The following KIF22 variants were observed in gnomAD, a reference collection of about 807,000 sequenced individuals.
KIF22 encodes kinesin-like protein KIF22.
In KIF22, 62 loss-of-function variants were observed where a neutral mutation model predicts 73.0. That is an observed-to-expected ratio of 0.85 (90% CI 0.69 to 1.05). The LOEUF is 1.05. Ranked by LOEUF, KIF22 falls within the 50% of genes least tolerant of loss-of-function variation. KIF22 has a pLI of 0.00. For missense variants in KIF22, 854 were observed against 870.1 expected, an observed-to-expected ratio of 0.98 and a Z score of 0.23; for synonymous variants, 411 against 340.1, an observed-to-expected ratio of 1.21 and a Z score of -2.29.
In KIF22 at chr16:29,798,625, C is replaced by T; in HGVS notation, c.427C>T (p.Gln143Ter). The T allele has an allele frequency of 6.2e-7, 1 of 1,614,136 alleles. No homozygotes were observed. Among genetic ancestry groups the T allele is most frequent in the Non-Finnish European group, 8.5e-7 (1 of 1,180,010 alleles). ...KTHTMLGSPE[Q>*]PGVIPRALMD... ...GCACACAATGCTGGGCAGCCCAGAG[C>T]AACCTGGGGTGATCCCGCGGGCTCT... The change falls in exon 4 of 14, where the codon CAA (glutamine) becomes TAA (stop). Residue 143 changes from glutamine (Q) to a stop codon, truncating the protein, a stop_gained. Transcript: ENST00000160827. LOFTEE classifies it high-confidence loss of function. The surrounding 1 kb of genome is among the most constrained non-coding windows in gnomAD (Gnocchi z 4.1).
rs780641872 is a variant in KIF22 at position 29,798,722 on chromosome 16, C to G, written c.524C>G (p.Ser175Cys). The G allele has an allele frequency of 2.5e-6, 4 of 1,614,082 alleles. No individual in the cohort carries two copies. The Admixed American group carries it at 5.0e-5, about 20-fold the overall frequency. Residue 175 changes from serine to cysteine, a missense_variant, in exon 4 of 14, where the codon TCT becomes TGT. By Grantham distance (112) the Ser-to-Cys change is moderately radical. Transcript: ENST00000160827. This position sits in a 1 kb window ranked among gnomAD's most constrained non-coding sequence, Gnocchi z 4.1. ...CCATGGGCCCTTTCTGTCACCATGT[C>G]TTACCTAGAGATCTACCAGGAGAAG... is the stretch of plus-strand genomic sequence containing the variant. ...GRPWALSVTM[S>C]YLEIYQEKVL...
intron 1 of KIF22, chr16:29,791,046 G>A (rs1296138025): frequency 4.2e-6 from 6 of 1,415,914 alleles, no homozygotes; most frequent in Admixed American, 6.1e-5. Flanking sequence ...TGGGTCAGTA[G>A]ACTCGGGTCT....
In KIF22 at chr16:29,799,338, A is replaced by G; in HGVS notation, c.834A>G (p.Ser278=). The change falls in exon 6 of 14, where the codon TCA becomes TCG. Residue 278 remains serine, a synonymous_variant. Coordinates refer to ENST00000160827, the MANE Select transcript of KIF22 (RefSeq NM_007317.3). ...TCTACCTGATTGACTTGGCTGGGTC[A>G]GAGGACAACCGGCGCACAGGCAACA... ...GKLYLIDLAG[S]EDNRRTGNKG... is the part of the protein sequence containing the mutation. The G allele has an allele frequency of 6.2e-7, 1 of 1,614,252 alleles. No homozygotes were observed. The highest frequency in any genetic ancestry group is 1.1e-5 in the South Asian group (1 of 91,088).
At chr16:29,802,400 A>C (rs1216815321) in intron 8 of KIF22, among the ~76,000 whole-genome samples, 2 of 152,044 alleles carry the variant, frequency 1.3e-5, no homozygotes, top group East Asian at 3.8e-4. Flanking sequence ...GTGGATTTCA[A>C]AGCCCTGCTA....
chr16:29,802,267 C>CAAA (rs71389599), intron 8 of KIF22, among the ~76,000 whole-genome samples: 70 of 33,686 alleles, frequency 2.1e-3, no homozygotes, highest in Non-Finnish European at 2.5e-3. Flanking sequence ...GACCCTGTCT[C>CAAA]AAAAAAAAAA....
intron 1 of KIF22, chr16:29,791,200 G>A (rs1386948259): frequency 1.8e-6 from 2 of 1,107,194 alleles, no homozygotes; most frequent in East Asian, 6.0e-5. Flanking sequence ...TAGCCACGAG[G>A]ACGAGAAGAA....
chr16:29,805,324 A>C lies in KIF22; in HGVS notation c.*14A>C. 6.2e-7 allele frequency: 1 copy of C among 1,610,968 alleles called. No individual in the cohort carries two copies. The highest frequency in any genetic ancestry group is 8.5e-7 in the Non-Finnish European group (1 of 1,179,574). On this transcript the variant is annotated 3_prime_UTR_variant, in exon 14 of 14. Coordinates refer to ENST00000160827, the MANE Select transcript of KIF22 (RefSeq NM_007317.3). ...GGCGCCTCCTGACCGTCGTCTCCTC[A>C]CTCCGCCTTTTCAAATTTTTGTATA...
chr16:29,803,374 C>T (rs1899210817), intron 9 of KIF22, 75 bp from the exon 10 acceptor site: 4 of 1,569,912 alleles, frequency 2.5e-6, no homozygotes, highest in East Asian at 2.2e-5. Flanking sequence ...CTTGCATACT[C>T]ACCCTGGTAA....
intron 11 of KIF22, 22 bp from the exon 12 acceptor site, chr16:29,804,792 C>T (rs1357169748): frequency 1.9e-6 from 3 of 1,576,138 alleles, no homozygotes; most frequent in East Asian, 4.6e-5. Context: ...CTGCGTGTCA[C>T]TCATCTCCCT....
chr16:29,802,330 C>A (rs1352036148), intron 8 of KIF22, among the ~76,000 whole-genome samples: 1 of 149,018 alleles, frequency 6.7e-6, no homozygotes, highest in Non-Finnish European at 1.5e-5. Flanking sequence ...TCAGTCAGGA[C>A]TGCTTGAACA....
Position 29,799,388 on chromosome 16 carries a change from G to A in KIF22, c.884G>A (p.Gly295Glu). 1 of 1,614,228 alleles carries A rather than the reference G, an allele frequency of 6.2e-7. No homozygotes were observed. Among genetic ancestry groups the A allele is most frequent in the Non-Finnish European group, 8.5e-7 (1 of 1,180,048 alleles). The change falls in exon 6 of 14, where the codon GGA (glycine) becomes GAA (glutamate). Residue 295 changes from glycine to glutamate, a missense_variant. By Grantham distance (98) the Gly-to-Glu change is moderately conservative. Coordinates refer to ENST00000160827, the MANE Select transcript of KIF22 (RefSeq NM_007317.3). ...AAGGGCCTTCGGCTAAAAGAGAGTG[G>A]AGCCATCAACACCTCCCTGTTTGTC... ...GNKGLRLKES[G>E]AINTSLFVLG...
At position 29,805,261 on chromosome 16, in the gene KIF22, A is replaced by T; in HGVS notation, c.1951-2A>T. On this transcript the variant is annotated splice_acceptor_variant, in intron 13 of 13. Coordinates refer to ENST00000160827, the MANE Select transcript of KIF22 (RefSeq NM_007317.3). LOFTEE classifies it high-confidence loss of function. ...GCTGTCTCCCTCCCTCCTGTGTTGC[A>T]GGCAAACATCCTGGGTCTCGCCGCC... 6.2e-7 allele frequency: 1 copy of T among 1,614,048 alleles called. No individual in the cohort carries two copies. Among genetic ancestry groups the T allele is most frequent in the Non-Finnish European group, 8.5e-7 (1 of 1,179,998 alleles).
chr16:29,804,915 G>A lies in KIF22; in HGVS notation c.1779G>A (p.Leu593=). ...TGGCTCATGGGCGCCAAAAAATACT[G>A]GATCTGCTGAACGAAGGCTCAGCCC... is the stretch of plus-strand genomic sequence containing the variant. The part of the protein sequence containing the change: ...ELLAHGRQKI[L]DLLNEGSARD... Residue 593 remains leucine, a synonymous_variant, in exon 12 of 14, where the codon CTG becomes CTA. Transcript: ENST00000160827. 1 of 1,613,894 alleles carries A rather than the reference G, an allele frequency of 6.2e-7. No homozygotes were observed. The highest frequency in any genetic ancestry group is 1.7e-5 in the Admixed American group (1 of 60,018).
chr16:29,790,846 T>A lies in KIF22; in HGVS notation c.70+17T>A. ...CGATCTCAGGTACTTGAGCCCGGCC[T>A]GGGCAAGGCGGGTACCGACGTCTGG... On this transcript the variant is annotated intron_variant, in intron 1 of 13. Coordinates refer to ENST00000160827, the MANE Select transcript of KIF22 (RefSeq NM_007317.3). 1 of 1,594,572 alleles carries A rather than the reference T, an allele frequency of 6.3e-7. No homozygotes were observed. The highest frequency in any genetic ancestry group is 8.5e-7 in the Non-Finnish European group (1 of 1,170,512).
In KIF22 at chr16:29,804,781, C is replaced by T. The variant is rs1416259941; in HGVS notation, c.1678-33C>T. The stretch of plus-strand genomic sequence containing the variant: ...AGAGGAGCCCAAAGCACTTGGCTGC[C>T]CTGCGTGTCACTCATCTCCCTTTGC... On this transcript the variant is annotated intron_variant, in intron 11 of 13. Coordinates refer to ENST00000160827, the MANE Select transcript of KIF22 (RefSeq NM_007317.3). The T allele has an allele frequency of 3.2e-6, 5 of 1,545,180 alleles. No homozygotes were observed. The African/African-American group carries it at 5.5e-5, about 17-fold the overall frequency.
At chr16:29,803,679 G>C in intron 10 of KIF22, 71 bp downstream of exon 10, 2 of 1,261,632 alleles carry the variant, frequency 1.6e-6, no homozygotes, top group Non-Finnish European at 2.2e-6. Context: ...GTTAGGAGCA[G>C]CTGTCTCCAT....
At chr16:29,801,979 G>A (rs960080210) in intron 8 of KIF22, among the ~76,000 whole-genome samples, 8 of 152,034 alleles carry the variant, frequency 5.3e-5, no homozygotes, top group East Asian at 1.9e-4. Flanking sequence ...AATGTTAGAC[G>A]TTGCTGACTG....
Position 29,804,965 on chromosome 16 carries a change from T to C in KIF22, c.1829T>C (p.Ile610Thr), listed in dbSNP as rs1000117193. ...SARDLRSLQR[I>T]GPKKAQLIVG... ...CGAGATCTCCGCAGTCTTCAGCGCA[T>C]TGGCCCGAAGAAGGCCCAGCTAATC... Residue 610 changes from isoleucine to threonine, a missense_variant, in exon 12 of 14, where the codon ATT (isoleucine) becomes ACT (threonine). Physicochemically the swap from Ile to Thr is moderately conservative, Grantham distance 89. Coordinates refer to ENST00000160827, the MANE Select transcript of KIF22 (RefSeq NM_007317.3). 2 of 1,612,324 alleles carry C rather than the reference T, an allele frequency of 1.2e-6. No individual in the cohort carries two copies. The highest frequency in any genetic ancestry group is 2.7e-5 in the African/African-American group (2 of 74,854).
intron 6 of KIF22, 25 bp downstream of exon 6, chr16:29,799,519 G>A (rs371057919): frequency 1.2e-6 from 2 of 1,613,328 alleles, no homozygotes; most frequent in African/African-American, 2.7e-5. Flanking sequence ...TCTCAGGGAA[G>A]AAGGGGCTGC....
Sources: gnomAD v4.1 joint callset for allele counts (sites outside exome capture counted in the v4.1 genomes callset) on GRCh38, gnomAD v4.1.1 for gene constraint, Gnocchi (gnomAD v3.1) non-coding constraint, MANE v1.5 for transcripts, NCBI Gene and HGNC (gene_info 2026-07-23, HGNC 2026-07-21) for gene names.